ARSG: variants seen among roughly 807,000 people sequenced by gnomAD.
ARSG encodes arylsulfatase G.
ARSG carries 37 observed loss-of-function variants against 50.5 expected under a neutral mutation model. That is an observed-to-expected ratio of 0.73 (90% CI 0.56 to 0.96). The LOEUF (loss-of-function observed/expected upper bound fraction) is 0.96. ARSG is among the 50% of genes least tolerant of loss of function. The pLI, the probability that ARSG is intolerant of heterozygous loss-of-function variation, is 0.00. For synonymous variants in ARSG, 225 were observed against 254.6 expected, an observed-to-expected ratio of 0.88 and a Z score of 1.11; for missense variants, 629 against 675.3, an observed-to-expected ratio of 0.93 and a Z score of 0.76.
chr17:68,312,082 G>C (rs1046829253), intron 2 of ARSG, among the ~76,000 whole-genome samples: 5 of 152,154 alleles, frequency 3.3e-5, no homozygotes, highest in Non-Finnish European at 7.3e-5. Context: ...TTACAGGTCT[G>C]AGCCACCACG....
At chr17:68,313,960 T>C (rs1473149916) in intron 2 of ARSG, among the ~76,000 whole-genome samples, 1 of 152,082 alleles carries the variant, frequency 6.6e-6, no homozygotes, top group Non-Finnish European at 1.5e-5. Flanking sequence ...ATTACAAGCG[T>C]GAGCCACCAT....
intron 1 of ARSG, among the ~76,000 whole-genome samples, chr17:68,265,175 AAAAAG>A (rs1448341597): frequency 6.6e-6 from 1 of 151,438 alleles, no homozygotes; most frequent in African/African-American, 2.4e-5. Context: ...AAAAAAAAGA[AAAAAG>A]AAAACGTAAT....
At chr17:68,326,607 G>T (rs1161790806) in intron 2 of ARSG, among the ~76,000 whole-genome samples, 13 of 152,220 alleles carry the variant, frequency 8.5e-5, no homozygotes, top group African/African-American at 3.1e-4. Context: ...GGAGGTTGTG[G>T]TCAGCCGAGA....
rs1555764764 is a variant in ARSG, at chr17:68,307,576, G to A, written c.83G>A (p.Ser28Asn). 1.9e-6 allele frequency: 3 copies of A among 1,614,142 alleles called. No individual in the cohort carries two copies. The highest frequency in any genetic ancestry group is 2.2e-5 in the East Asian group (1 of 44,882). The change falls in exon 2 of 12, where the codon AGT becomes AAT. Residue 28 changes from serine (S) to asparagine (N), a missense_variant. Coordinates refer to ENST00000621439, the MANE Select transcript of ARSG (RefSeq NM_001267727.2). ...FLYPLVDFCISGKTRGQKPNF... is the reference protein window; with the variant it reads ...FLYPLVDFCINGKTRGQKPNF... Reference sequence around the variant, plus strand: ...TATCCTCTTGTGGATTTTTGCATCAGTGGGAAAACAAGAGGACAGAAGCCA... The same window carrying A: ...TATCCTCTTGTGGATTTTTGCATCAATGGGAAAACAAGAGGACAGAAGCCA...
chr17:68,359,142 G>A lies in ARSG; in HGVS notation c.704+2338G>A, dbSNP rs754791119. ...CAGGCCACTGCACTCCAGCCTGGGC[G>A]ACAGTGTGAGACTCCATCTCAAAAC... On this transcript the variant is annotated intron_variant, in intron 6 of 11. Transcript: ENST00000621439. 4.6e-5 allele frequency among the ~76,000 whole-genome samples: 7 copies of A among 152,212 alleles called. No individual in the cohort carries two copies. In the East Asian group the frequency reaches 5.8e-4, roughly 13 times the overall value.
Position 68,347,171 on chromosome 17 carries a change from TG to T in ARSG, c.454+1del. The part of the protein sequence containing the change: ...HHGSYHPNFR[G>X]FDYYFGIPYS... ...ACGGCTCTTATCACCCCAACTTCCG[TG>T]GTAAGAATTCTTTTGGGGATTTGTT... On this transcript the variant is annotated frameshift_variant and splice_region_variant, in exon 4 of 12. Coordinates refer to ENST00000621439, the MANE Select transcript of ARSG (RefSeq NM_001267727.2). LOFTEE classifies it high-confidence loss of function. The T allele has an allele frequency of 1.2e-6, 2 of 1,613,838 alleles. No homozygotes were observed. Among genetic ancestry groups the T allele is most frequent in the Non-Finnish European group, 1.7e-6 (2 of 1,179,770 alleles).
chr17:68,266,576 G>A (rs1382963391), intron 1 of ARSG, among the ~76,000 whole-genome samples: 1 of 150,920 alleles, frequency 6.6e-6, no homozygotes, highest in African/African-American at 2.4e-5. Context: ...TTGAGAGGCC[G>A]AAGCAGGTGG....
At chr17:68,430,073 G>A in the ARSG span, 1 of 1,614,212 alleles carries the variant, frequency 6.2e-7, no homozygotes, top group Non-Finnish European at 8.5e-7. Flanking sequence ...GATGCATCAT[G>A]TCTGACACCT....
intron 1 of ARSG, chr17:68,268,323 A>G (rs1430679428): frequency 2.0e-5 from 3 of 152,556 alleles, no homozygotes; most frequent in Non-Finnish European, 4.4e-5. Context: ...AAGCAACAGG[A>G]AACACATTTT....
chr17:68,435,625 C>T, the ARSG span: 20 of 1,613,978 alleles, frequency 1.2e-5, no homozygotes, highest in East Asian at 4.5e-4. Context: ...CTCACTTTTT[C>T]AGACGCACTT....
chr17:68,375,302 A>T (rs2080090619), intron 8 of ARSG, among the ~76,000 whole-genome samples: 1 of 152,110 alleles, frequency 6.6e-6, no homozygotes, highest in South Asian at 2.1e-4. Context: ...AGAACTTTCA[A>T]CTTTAGACCA....
In ARSG at chr17:68,383,817, C is replaced by A. The variant is rs902721458; in HGVS notation, c.983-1247C>A. ...AGAAATGCTGGGCTAGATCAAAGAG[C>A]GTCTCATTCAGCCTGCAGAGACTCC... On this transcript the variant is annotated intron_variant, in intron 8 of 11. Coordinates refer to ENST00000621439, the MANE Select transcript of ARSG (RefSeq NM_001267727.2). Among the ~76,000 whole-genome samples, 7 of 152,318 alleles carry A rather than the reference C, an allele frequency of 4.6e-5. No homozygotes were observed. The East Asian group carries it at 1.4e-3, about 29-fold the overall frequency.
chr17:68,438,852 G>A, the ARSG span, among the ~76,000 whole-genome samples: 31 of 152,108 alleles, frequency 2.0e-4, no homozygotes, highest in African/African-American at 5.3e-4. Context: ...CATCTGCCTC[G>A]GCCTCCCAAA....
chr17:68,426,186 A>C (rs771722089), downstream of ARSG: 79 of 1,568,688 alleles, frequency 5.0e-5, no homozygotes, highest in South Asian at 8.6e-4. Context: ...CTGGAAACCA[A>C]GAAAGAGACA....
At chr17:68,435,862 T>C in the ARSG span, 5 of 704,504 alleles carry the variant, frequency 7.1e-6, no homozygotes, top group Non-Finnish European at 1.2e-5. Flanking sequence ...ATGTAAGCTG[T>C]GTGTCATTTT....
chr17:68,337,719 G>A (rs1049723957), intron 2 of ARSG, among the ~76,000 whole-genome samples: 1 of 152,158 alleles, frequency 6.6e-6, no homozygotes, highest in African/African-American at 2.4e-5. Flanking sequence ...CTGGATTCCA[G>A]TGATTCTCCT....
At chr17:68,289,011 G>A (rs1555755016), upstream of ARSG, among the ~76,000 whole-genome samples, 1 of 152,166 alleles carries the variant, frequency 6.6e-6, no homozygotes, top group East Asian at 1.9e-4. Flanking sequence ...CGGGCAGTTT[G>A]GAGGATTTCC....
intron 2 of ARSG, among the ~76,000 whole-genome samples, chr17:68,336,681 C>T (rs1025542669): frequency 4.6e-5 from 7 of 152,026 alleles, no homozygotes; most frequent in Admixed American, 3.3e-4. Flanking sequence ...GGCAAAATCC[C>T]GTTTCTATTA....
At chr17:68,432,177 G>GA in the ARSG span, among the ~76,000 whole-genome samples, 1 of 152,218 alleles carries the variant, frequency 6.6e-6, no homozygotes, top group East Asian at 1.9e-4. Flanking sequence ...GAAGGAGCGA[G>GA]AAGGGAGCCG....
Sources: gnomAD v4.1 joint callset for allele counts (sites outside exome capture counted in the v4.1 genomes callset) on GRCh38, gnomAD v4.1.1 for gene constraint, MANE v1.5 for transcripts, NCBI Gene and HGNC (gene_info 2026-07-23, HGNC 2026-07-21) for gene names.